PKD2L2: variants seen among roughly 807,000 people sequenced by gnomAD.
PKD2L2 encodes polycystin 2 like 2, transient receptor potential cation channel.
In PKD2L2, 67 loss-of-function variants were observed where a neutral mutation model predicts 83.9. That is an observed-to-expected ratio of 0.80 (90% CI 0.66 to 0.98). PKD2L2 has a LOEUF of 0.98. Among genes scored for constraint, PKD2L2 ranks in the 50% least tolerant of loss-of-function variants. The probability of loss-of-function intolerance (pLI) is 0.00; values close to 1 mark genes in which losing one functional copy is unlikely to be tolerated. For missense variants in PKD2L2, 632 were observed against 717.2 expected, an observed-to-expected ratio of 0.88 and a Z score of 1.36; for synonymous variants, 223 against 237.8, an observed-to-expected ratio of 0.94 and a Z score of 0.57.
intron 5 of PKD2L2, among the ~76,000 whole-genome samples, chr5:137,903,125 T>C (rs1170592520): frequency 6.6e-6 from 1 of 152,214 alleles, no homozygotes; most frequent in African/African-American, 2.4e-5. Flanking sequence ...ATAGCTGCCA[T>C]TTGGCAGGAC....
intron 12 of PKD2L2, among the ~76,000 whole-genome samples, chr5:137,933,712 C>T (rs1371023711): frequency 6.6e-6 from 1 of 152,156 alleles, no homozygotes; most frequent in Non-Finnish European, 1.5e-5. Context: ...GCTGTGGTTT[C>T]CCATTACCTT....
intron 12 of PKD2L2, among the ~76,000 whole-genome samples, chr5:137,929,622 T>A (rs191298789): frequency 7.2e-6 from 1 of 139,408 alleles, no homozygotes; most frequent in African/African-American, 2.7e-5. Context: ...ACCAGATATA[T>A]CTAACATAAA....
At chr5:137,923,843 A>C (rs1038745851) in intron 10 of PKD2L2, among the ~76,000 whole-genome samples, 1 of 152,176 alleles carries the variant, frequency 6.6e-6, no homozygotes, top group African/African-American at 2.4e-5. Flanking sequence ...TTCCTTCCGG[A>C]AAGTTTTTGC....
At chr5:137,936,277 G>A in intron 13 of PKD2L2, 43 bp from the exon 14 acceptor site, 1 of 1,492,412 alleles carries the variant, frequency 6.7e-7, no homozygotes, top group Non-Finnish European at 9.0e-7. Flanking sequence ...ATACATGAAA[G>A]TTTATTACTG....
At chr5:137,913,254 G>A (rs1194689331) in intron 8 of PKD2L2, among the ~76,000 whole-genome samples, 2 of 146,196 alleles carry the variant, frequency 1.4e-5, no homozygotes, top group Non-Finnish European at 3.0e-5. Flanking sequence ...CATGATCTCA[G>A]CTCACTGCAG....
chr5:137,920,906 C>T (rs905765738), intron 8 of PKD2L2, among the ~76,000 whole-genome samples: 1 of 152,182 alleles, frequency 6.6e-6, no homozygotes, highest in Admixed American at 6.5e-5. Flanking sequence ...ATTCACTTCA[C>T]TGACATTAGA....
intron 5 of PKD2L2, among the ~76,000 whole-genome samples, chr5:137,900,987 A>G (rs917684438): frequency 3.9e-4 from 59 of 152,086 alleles, no homozygotes; most frequent in African/African-American, 1.4e-3. Flanking sequence ...AAAATACAAA[A>G]TTAGCCGGGC....
chr5:137,906,454 T>A lies in PKD2L2; in HGVS notation c.975+20T>A, dbSNP rs753623445. ...TTGCTGGTGAGTATATATTCATGTG[T>A]ATGGTTGAAGGGGATCACATCTGAA... On this transcript the variant is annotated intron_variant, in intron 6 of 14. Transcript: ENST00000508883. The A allele has an allele frequency of 4.6e-6, 6 of 1,318,100 alleles. No homozygotes were observed. The highest frequency in any genetic ancestry group is 5.4e-6 in the Non-Finnish European group (5 of 923,182). 81.7% of individuals were successfully genotyped at this position (1,318,100 alleles called of 1,614,324 possible).
At chr5:137,903,953 G>A (rs533514965) in intron 5 of PKD2L2, among the ~76,000 whole-genome samples, 40 of 151,922 alleles carry the variant, frequency 2.6e-4, no homozygotes, top group Non-Finnish European at 4.9e-4. Context: ...ACGGGGTTTC[G>A]CCATGTTGGC....
Position 137,921,740 on chromosome 5 carries a change from T to C in PKD2L2, c.1433T>C (p.Val478Ala). The change falls in exon 9 of 15, where the codon GTG (valine) becomes GCG (alanine). Residue 478 changes from valine to alanine, a missense_variant. Physicochemically the swap from Val to Ala is moderately conservative, Grantham distance 64. This residue lies in a region of PKD2L2 where 399 missense variants were observed against 416.9 expected (regional missense o/e 0.96). Coordinates refer to ENST00000508883, the MANE Select transcript of PKD2L2 (RefSeq NM_001300921.2). ...PIYFITFIFF[V>A]FFVLLNMFLA... Reference sequence around the variant, plus strand: ...TACTTCATCACTTTCATCTTTTTTGTGTTCTTTGTCCTGCTGGTAAGAATA... The same window carrying C: ...TACTTCATCACTTTCATCTTTTTTGCGTTCTTTGTCCTGCTGGTAAGAATA... 1 of 1,607,712 alleles carries C rather than the reference T, an allele frequency of 6.2e-7. No homozygotes were observed. The highest frequency in any genetic ancestry group is 1.1e-5 in the South Asian group (1 of 90,144).
chr5:137,935,732 G>A, intron 12 of PKD2L2, 65 bp from the exon 13 acceptor site: 1 of 838,660 alleles, frequency 1.2e-6, no homozygotes, highest in Middle Eastern at 2.3e-4. Flanking sequence ...TGTGATGCTT[G>A]TGTGCCAAAG....
At chr5:137,893,388 A>G (rs1217989810) in intron 3 of PKD2L2, among the ~76,000 whole-genome samples, 1 of 152,208 alleles carries the variant, frequency 6.6e-6, no homozygotes, top group Non-Finnish European at 1.5e-5. Context: ...TACATTTAAC[A>G]TAGCAACATG....
intron 14 of PKD2L2, among the ~76,000 whole-genome samples, chr5:137,937,244 T>C (rs1272075909): frequency 1.3e-5 from 2 of 152,196 alleles, no homozygotes; most frequent in Non-Finnish European, 2.9e-5. Context: ...AGCCAAAGTG[T>C]AGAACAAACT....
At chr5:137,896,990 T>A (rs2150005252) in intron 4 of PKD2L2, among the ~76,000 whole-genome samples, 1 of 149,570 alleles carries the variant, frequency 6.7e-6, no homozygotes, top group South Asian at 2.1e-4. Flanking sequence ...CTTGTATGAT[T>A]CTTATAAATC....
At chr5:137,925,999 G>A (rs1759349006) in intron 12 of PKD2L2, 70 bp downstream of exon 12, 2 of 771,466 alleles carry the variant, frequency 2.6e-6, no homozygotes, top group African/African-American at 3.5e-5. Context: ...AAAACGCTCT[G>A]GTTAAGAATT....
chr5:137,941,944 C>T (rs1761977599), intron 14 of PKD2L2: 2 of 1,611,274 alleles, frequency 1.2e-6, no homozygotes, highest in African/African-American at 1.3e-5. Context: ...CTCAACAAAC[C>T]TTCCATTTTG....
rs777876013 is a variant in PKD2L2, at chr5:137,942,542, T to G, written c.*176T>G. Reference sequence around the variant, plus strand: ...CCCCTGGCTAATTTAAACAAAATTTTTATACAGTCTGGGTCCCACTATATT... The same window carrying G: ...CCCCTGGCTAATTTAAACAAAATTTGTATACAGTCTGGGTCCCACTATATT... On this transcript the variant is annotated 3_prime_UTR_variant, in exon 15 of 15. Coordinates refer to ENST00000508883, the MANE Select transcript of PKD2L2 (RefSeq NM_001300921.2). 1.5e-4 allele frequency: 35 copies of G among 233,114 alleles called. No individual in the cohort carries two copies. The highest frequency in any genetic ancestry group is 2.7e-4 in the Non-Finnish European group (32 of 120,620). 14.4% of individuals were successfully genotyped at this position (233,114 alleles called of 1,614,324 possible).
At chr5:137,920,853 G>C (rs192796182) in intron 8 of PKD2L2, among the ~76,000 whole-genome samples, 2 of 152,160 alleles carry the variant, frequency 1.3e-5, no homozygotes, top group Admixed American at 1.3e-4. Context: ...CAAATTGTTG[G>C]CATCCCTATT....
chr5:137,905,867 A>G (rs962043185), intron 5 of PKD2L2, among the ~76,000 whole-genome samples: 3 of 152,156 alleles, frequency 2.0e-5, no homozygotes, highest in Admixed American at 1.3e-4. Context: ...TCTTGAACAT[A>G]TCATTCTCCT....
Sources: gnomAD v4.1 joint callset for allele counts (sites outside exome capture counted in the v4.1 genomes callset) on GRCh38, gnomAD v4.1.1 for gene constraint, gnomAD v4.1.1 regional missense constraint, MANE v1.5 for transcripts, NCBI Gene and HGNC (gene_info 2026-07-23, HGNC 2026-07-21) for gene names.